The following SRCIN1 variants were observed in gnomAD, a reference collection of about 807,000 sequenced individuals.
SRCIN1 encodes P130Cas-associated protein.
SRCIN1 carries 50 observed loss-of-function variants against 116.2 expected under a neutral mutation model. That is an observed-to-expected ratio of 0.43 (90% CI 0.34 to 0.54). SRCIN1 has a LOEUF of 0.54. Ranked by LOEUF, SRCIN1 falls within the 20% of genes least tolerant of loss-of-function variation. The pLI is 0.02. For missense variants in SRCIN1, 1,446 were observed against 1,672.0 expected (o/e 0.86, Z 2.36); for synonymous variants, 736 against 750.0 (o/e 0.98, Z 0.30).
In SRCIN1 at chr17:38,604,673, G is replaced by T; in HGVS notation, c.22+1011C>A. 2.7e-6 allele frequency: 1 copy of T among 376,986 alleles called. No individual in the cohort carries two copies. Among genetic ancestry groups the T allele is most frequent in the South Asian group, 1.9e-5 (1 of 52,218 alleles). 23.4% of individuals were successfully genotyped at this position (376,986 alleles called of 1,614,324 possible). A position where few individuals can be genotyped will look rare whatever the true frequency, so the allele number is the denominator to read the frequency against. On this transcript the variant is annotated intron_variant, in intron 1 of 18. Coordinates refer to ENST00000617146, the MANE Select transcript of SRCIN1 (RefSeq NM_025248.3). This position sits in a 1 kb window ranked among gnomAD's most constrained non-coding sequence, Gnocchi z 4.3. ...CCCGCCGGGCCCTGACAGCTGAGCT[G>T]CGGAGGCACCCGGCCTGTCCCCTCT...
At chr17:38,576,117 A>G (rs980037503) in intron 2 of SRCIN1, among the ~76,000 whole-genome samples, 1 of 152,008 alleles carries the variant, frequency 6.6e-6, no homozygotes, top group African/African-American at 2.4e-5. Context: ...AGACATGCCT[A>G]TGCCTTCTCT....
At position 38,552,996 on chromosome 17, in the gene SRCIN1, C is replaced by T. The variant is rs181590997; in HGVS notation, c.2202-141G>A. ...GAGGCTGGGCACCGTGGCTCACGCC[C>T]GTAATCTCAGTACTTTGGGAGGCTG... On this transcript the variant is annotated intron_variant, in intron 11 of 18. Coordinates refer to ENST00000617146, the MANE Select transcript of SRCIN1 (RefSeq NM_025248.3). The surrounding 1 kb of genome is among the most constrained non-coding windows in gnomAD (Gnocchi z 5.3). The T allele has an allele frequency of 2.1e-4, 286 of 1,345,002 alleles. No individual in the cohort carries two copies. The highest frequency in any genetic ancestry group is 2.0e-3 in the Admixed American group (81 of 40,470). The allele number at this position is 1,345,002 out of a possible 1,614,324, so 83.3% of individuals were successfully genotyped here.
In SRCIN1 at chr17:38,604,171, G is replaced by T. The variant is rs1158664827; in HGVS notation, c.22+1513C>A. 2.6e-5 allele frequency among the ~76,000 whole-genome samples: 4 copies of T among 152,042 alleles called. No individual in the cohort carries two copies. The highest frequency in any genetic ancestry group is 9.7e-5 in the African/African-American group (4 of 41,382). On this transcript the variant is annotated intron_variant, in intron 1 of 18. Transcript: ENST00000617146. This position sits in a 1 kb window ranked among gnomAD's most constrained non-coding sequence, Gnocchi z 4.3. Reference sequence around the variant, plus strand: ...CACCCAGACCAAGATACCAAGAGTCGGGAAGAAGGTATCCTGACGACCCCC... The same window carrying T: ...CACCCAGACCAAGATACCAAGAGTCTGGAAGAAGGTATCCTGACGACCCCC...
Position 38,562,139 on chromosome 17 carries a change from C to A in SRCIN1, c.1024G>T (p.Gly342Cys), listed in dbSNP as rs947585325. Residue 342 changes from glycine (G) to cysteine (C), a missense_variant, in exon 7 of 19, where the codon GGC becomes TGC. Physicochemically the swap from Gly to Cys is radical, Grantham distance 159. Around this residue, in one of 5 missense-constraint regions of SRCIN1, gnomAD observed 239 missense variants for 317.7 expected, o/e 0.75. Coordinates refer to ENST00000617146, the MANE Select transcript of SRCIN1 (RefSeq NM_025248.3). This position sits in a 1 kb window ranked among gnomAD's most constrained non-coding sequence, Gnocchi z 4.2. ...TCGGCCGCGTGGTGCACCGGGCTGC[C>A]GGCGTACGAAGGCGGGCGCCCCCCG... is the stretch of plus-strand genomic sequence containing the variant. ...YAGGRPPSYA[G>C]SPVHHAAERL... 1 of 1,370,970 alleles carries A rather than the reference C, an allele frequency of 7.3e-7. No individual in the cohort carries two copies. The highest frequency in any genetic ancestry group is 9.3e-7 in the Non-Finnish European group (1 of 1,070,384). 84.9% of individuals were successfully genotyped at this position (1,370,970 alleles called of 1,614,324 possible).
chr17:38,555,638 G>A (rs1393256677), intron 11 of SRCIN1, among the ~76,000 whole-genome samples: 1 of 152,182 alleles, frequency 6.6e-6, no homozygotes, highest in African/African-American at 2.4e-5. Context: ...TTAGTTCAAG[G>A]TCATACAGCT....
At chr17:38,540,648 G>A (rs955857136) in intron 18 of SRCIN1, among the ~76,000 whole-genome samples, 2 of 152,166 alleles carry the variant, frequency 1.3e-5, no homozygotes, top group Non-Finnish European at 2.9e-5. Flanking sequence ...GGCAGGGTGA[G>A]CTGAGGCTGC....
Position 38,568,105 on chromosome 17 carries a change from C to A in SRCIN1, c.345+106G>T. The A allele has an allele frequency of 7.3e-7, 1 of 1,376,542 alleles. No individual in the cohort carries two copies. The highest frequency in any genetic ancestry group is 1.0e-6 in the Non-Finnish European group (1 of 979,606). 85.3% of individuals were successfully genotyped at this position (1,376,542 alleles called of 1,614,324 possible). On this transcript the variant is annotated intron_variant, in intron 3 of 18. Transcript: ENST00000617146. The surrounding 1 kb of genome is among the most constrained non-coding windows in gnomAD (Gnocchi z 4.5). ...GCCCACCGCCCATACCAGAAGGTGTCCGTGCAGATGCGCACCCCGGTGCAA... is the reference window on the plus strand; with the variant it reads ...GCCCACCGCCCATACCAGAAGGTGTACGTGCAGATGCGCACCCCGGTGCAA...
intron 1 of SRCIN1, among the ~76,000 whole-genome samples, chr17:38,581,506 T>G (rs1907819204): frequency 6.6e-6 from 1 of 150,708 alleles, no homozygotes; most frequent in African/African-American, 2.4e-5. Flanking sequence ...TCATAAGGAT[T>G]AGAAAAAGCC....
rs187170675 is a variant in SRCIN1, at chr17:38,597,898, G to A, written c.22+7786C>T. 2.6e-4 allele frequency among the ~76,000 whole-genome samples: 40 copies of A among 152,286 alleles called. No homozygotes were observed. In the South Asian group the frequency reaches 5.2e-3, roughly 20 times the overall value. On this transcript the variant is annotated intron_variant, in intron 1 of 18. Transcript: ENST00000617146. ...ACCCCAGGCTGCCAGTGGACCAGGA[G>A]GGGGTGAGCCATCAGGTTAAGGAGA...
At position 38,562,821 on chromosome 17, in the gene SRCIN1, C is replaced by G. The variant is rs752396996; in HGVS notation, c.834+6G>C. On this transcript the variant is annotated splice_donor_region_variant and intron_variant, in intron 6 of 18. Coordinates refer to ENST00000617146, the MANE Select transcript of SRCIN1 (RefSeq NM_025248.3). This position sits in a 1 kb window ranked among gnomAD's most constrained non-coding sequence, Gnocchi z 4.2. ...TCCCCAATGCCCTGGGCATGCCCAG[C>G]CATACCCGGAGGTCCCCGTTGGTGA... is the stretch of plus-strand genomic sequence containing the variant. 7.4e-6 allele frequency: 12 copies of G among 1,612,550 alleles called. No individual in the cohort carries two copies. The highest frequency in any genetic ancestry group is 1.0e-5 in the Non-Finnish European group (12 of 1,179,004).
In SRCIN1 at chr17:38,561,931, G is replaced by C; in HGVS notation, c.1232C>G (p.Ala411Gly). The C allele has an allele frequency of 6.9e-7, 1 of 1,455,450 alleles. No homozygotes were observed. The highest frequency in any genetic ancestry group is 8.9e-7 in the Non-Finnish European group (1 of 1,118,148). The allele number at this position is 1,455,450 out of a possible 1,614,324, so 90.2% of individuals were successfully genotyped here. The change falls in exon 7 of 19, where the codon GCC becomes GGC. Residue 411 changes from alanine to glycine, a missense_variant. Ala to Gly is a moderately conservative substitution (Grantham distance 60). Coordinates refer to ENST00000617146, the MANE Select transcript of SRCIN1 (RefSeq NM_025248.3). ...GLLHEGRLSL[A>G]AAAGDPFAYP... ...GGCGAACGGGTCGCCGGCGGCCGCGGCCAGGCTCAGACGGCCCTCGTGCAG... is the reference window on the plus strand; with the variant it reads ...GGCGAACGGGTCGCCGGCGGCCGCGCCCAGGCTCAGACGGCCCTCGTGCAG...
Position 38,564,098 on chromosome 17 carries a change from G to T in SRCIN1, c.541+20C>A. The stretch of plus-strand genomic sequence containing the variant: ...GGAGGAGCCTGTGTGGGGAGGGAGG[G>T]TGGACTGGGCGGGCAGTACCTGGGG... On this transcript the variant is annotated intron_variant, in intron 4 of 18. Coordinates refer to ENST00000617146, the MANE Select transcript of SRCIN1 (RefSeq NM_025248.3). 6.3e-7 allele frequency: 1 copy of T among 1,584,048 alleles called. No individual in the cohort carries two copies.
intron 1 of SRCIN1, among the ~76,000 whole-genome samples, chr17:38,591,554 G>C (rs1908442230): frequency 1.3e-5 from 2 of 152,192 alleles, no homozygotes; most frequent in South Asian, 4.1e-4. Context: ...GCCTTCGCTA[G>C]TGCCCCTCCT....
At position 38,558,466 on chromosome 17, in the gene SRCIN1, C is replaced by T; in HGVS notation, c.2026-64G>A. 2 of 1,521,500 alleles carry T rather than the reference C, an allele frequency of 1.3e-6. No individual in the cohort carries two copies. Among genetic ancestry groups the T allele is most frequent in the Non-Finnish European group, 1.8e-6 (2 of 1,140,824 alleles). 94.2% of individuals were successfully genotyped at this position (1,521,500 alleles called of 1,614,324 possible). ...GCGGAGCCGCGAGGCAGGGGAAGGG[C>T]CGGGAGAAGGCGGGTAGAGGACTGC... On this transcript the variant is annotated intron_variant, in intron 10 of 18. Transcript: ENST00000617146. The surrounding 1 kb of genome is among the most constrained non-coding windows in gnomAD (Gnocchi z 4.6).
chr17:38,568,512 A>G lies in SRCIN1; in HGVS notation c.325-281T>C, dbSNP rs2143248456. 6.6e-6 allele frequency among the ~76,000 whole-genome samples: 1 copy of G among 152,336 alleles called. No homozygotes were observed. The highest frequency in any genetic ancestry group is 6.5e-5 in the Admixed American group (1 of 15,300). On this transcript the variant is annotated intron_variant, in intron 2 of 18. Coordinates refer to ENST00000617146, the MANE Select transcript of SRCIN1 (RefSeq NM_025248.3). This position sits in a 1 kb window ranked among gnomAD's most constrained non-coding sequence, Gnocchi z 4.5. Reference sequence around the variant, plus strand: ...CAGAGGATGGTGATAGAGCGAACCCATGAGGCAGTCACAAGAGAGGCAGCG... The same window carrying G: ...CAGAGGATGGTGATAGAGCGAACCCGTGAGGCAGTCACAAGAGAGGCAGCG...
rs894751550 is a variant in SRCIN1 at position 38,561,862 on chromosome 17, G to C, written c.1301C>G (p.Ser434Trp). Reference sequence around the variant, plus strand: ...CGCGGCGGCCGAGTAGGTGCTGAGCGAGCGCACCGAGCCGCGCTTGTAGAG... The same window carrying C: ...CGCGGCGGCCGAGTAGGTGCTGAGCCAGCGCACCGAGCCGCGCTTGTAGAG... ...GGLYKRGSVR[S>W]LSTYSAAALQ... The change falls in exon 7 of 19, where the codon TCG becomes TGG. Residue 434 changes from serine to tryptophan, a missense_variant. Transcript: ENST00000617146. 2.7e-6 allele frequency: 4 copies of C among 1,460,690 alleles called. No homozygotes were observed. Among genetic ancestry groups the C allele is most frequent in the Non-Finnish European group, 2.7e-6 (3 of 1,118,436 alleles). 90.5% of individuals were successfully genotyped at this position (1,460,690 alleles called of 1,614,324 possible). A position where few individuals can be genotyped will look rare whatever the true frequency, so the allele number is the denominator to read the frequency against.
Position 38,544,077 on chromosome 17 carries a change from C to T in SRCIN1, c.3271-108G>A, listed in dbSNP as rs1904926142. On this transcript the variant is annotated intron_variant, in intron 17 of 18. Coordinates refer to ENST00000617146, the MANE Select transcript of SRCIN1 (RefSeq NM_025248.3). The surrounding 1 kb of genome is among the most constrained non-coding windows in gnomAD (Gnocchi z 4.5). ...GGGGCTGGGACCTCCTCAGTGGGGC[C>T]CTTTGAGACCTGGAGACCCCTCTCT... is the stretch of plus-strand genomic sequence containing the variant. 3 of 1,338,030 alleles carry T rather than the reference C, an allele frequency of 2.2e-6. No individual in the cohort carries two copies. The highest frequency in any genetic ancestry group is 1.5e-5 in the South Asian group (1 of 67,070). 82.9% of individuals were successfully genotyped at this position (1,338,030 alleles called of 1,614,324 possible). A position where few individuals can be genotyped will look rare whatever the true frequency, so the allele number is the denominator to read the frequency against.
chr17:38,574,418 T>C (rs1052244416), intron 2 of SRCIN1, among the ~76,000 whole-genome samples: 9 of 152,022 alleles, frequency 5.9e-5, no homozygotes, highest in Non-Finnish European at 1.0e-4. Flanking sequence ...GCCATGAACT[T>C]AGCAAGAGGG....
chr17:38,592,775 G>A (rs572848702), intron 1 of SRCIN1, among the ~76,000 whole-genome samples: 2 of 152,164 alleles, frequency 1.3e-5, no homozygotes, highest in South Asian at 4.1e-4. Context: ...TGAATGAGAT[G>A]ATTTAGCAAG....
Sources: allele counts gnomAD v4.1 joint callset (sites outside exome capture counted in the v4.1 genomes callset), GRCh38; gene constraint gnomAD v4.1.1; regional missense constraint gnomAD v4.1.1; non-coding constraint Gnocchi (gnomAD v3.1); transcripts MANE v1.5; gene names NCBI Gene and HGNC (gene_info 2026-07-23, HGNC 2026-07-21).